The following GALNT18 variants were observed in gnomAD, a reference collection of about 807,000 sequenced individuals.
The protein encoded by GALNT18 is polypeptide N-acetylgalactosaminyltransferase 18.
In GALNT18, 44 loss-of-function variants were observed where a neutral mutation model predicts 69.5. The ratio of observed to expected loss-of-function variants is 0.63; its 90% CI spans 0.50 to 0.81. The LOEUF (loss-of-function observed/expected upper bound fraction) is 0.81, where lower values mean the gene tolerates loss of function less well. Among genes scored for constraint, GALNT18 ranks in the 40% least tolerant of loss-of-function variants. The probability of loss-of-function intolerance (pLI) is 0.00; values close to 1 mark genes in which losing one functional copy is unlikely to be tolerated. For missense variants in GALNT18, 715 were observed against 810.0 expected (o/e 0.88, Z 1.42); for synonymous variants, 364 against 318.2 (o/e 1.14, Z -1.53).
At chr11:11,453,460 A>C (rs1022438958) in intron 1 of GALNT18, among the ~76,000 whole-genome samples, 1 of 152,014 alleles carries the variant, frequency 6.6e-6, no homozygotes, top group Non-Finnish European at 1.5e-5. Flanking sequence ...CCTCACTTCT[A>C]TGTCTTTACT....
At position 11,377,407 on chromosome 11, in the gene GALNT18, G is replaced by T. The variant is rs1362650292; in HGVS notation, c.780-28C>A. On this transcript the variant is annotated intron_variant, in intron 4 of 10. Coordinates refer to ENST00000227756, the MANE Select transcript of GALNT18 (RefSeq NM_198516.3). This position sits in a 1 kb window ranked among gnomAD's most constrained non-coding sequence, Gnocchi z 4.6. ...GGGCAGAGAGGAGACAGCCAGAGAG[G>T]GTAACCATTTCCAAGGTGGAAAAAT... 1.9e-6 allele frequency: 3 copies of T among 1,607,374 alleles called. No individual in the cohort carries two copies. Among genetic ancestry groups the T allele is most frequent in the South Asian group, 1.1e-5 (1 of 90,862 alleles).
chr11:11,329,504 T>G (rs745573814), intron 8 of GALNT18, among the ~76,000 whole-genome samples: 3 of 152,220 alleles, frequency 2.0e-5, no homozygotes, highest in Non-Finnish European at 4.4e-5. Flanking sequence ...GCCTCCTCTT[T>G]GCCTCTTCCC....
chr11:11,491,365 G>A (rs564068193), intron 1 of GALNT18, among the ~76,000 whole-genome samples: 17 of 152,336 alleles, frequency 1.1e-4, no homozygotes, highest in East Asian at 3.9e-4. Flanking sequence ...TTCTTCCCGG[G>A]TTCAGAGCAC....
intron 9 of GALNT18, among the ~76,000 whole-genome samples, chr11:11,316,186 C>G (rs7105266): frequency 1.3e-5 from 2 of 152,170 alleles, no homozygotes; most frequent in South Asian, 2.1e-4. Flanking sequence ...TGAAACCACA[C>G]GCCACGGAGT....
rs1021164272 is a variant in GALNT18, at chr11:11,338,505, T to C, written c.1278+2314A>G. Among the ~76,000 whole-genome samples, 3 of 152,014 alleles carry C rather than the reference T, an allele frequency of 2.0e-5. No homozygotes were observed. Among genetic ancestry groups the C allele is most frequent in the African/African-American group, 7.3e-5 (3 of 41,358 alleles). ...ATTGAGAGAGAGGAAGATTGAAGGA[T>C]GATGTCATTTTCAAACTCATATGTC... is the stretch of plus-strand genomic sequence containing the variant. On this transcript the variant is annotated intron_variant, in intron 7 of 10. Transcript: ENST00000227756. This position sits in a 1 kb window ranked among gnomAD's most constrained non-coding sequence, Gnocchi z 5.3.
At position 11,538,817 on chromosome 11, in the gene GALNT18, G is replaced by GA. The variant is rs1857842904; in HGVS notation, c.235+82541_235+82542insT. ...CGCTGATCTCCTTACTCCTGCTGCT[G>GA]CCTCCTTTAACTTCATGGCTGTGGT... is the stretch of plus-strand genomic sequence containing the variant. On this transcript the variant is annotated intron_variant, in intron 1 of 10. Transcript: ENST00000227756. This position sits in a 1 kb window ranked among gnomAD's most constrained non-coding sequence, Gnocchi z 5.2. Among the ~76,000 whole-genome samples the GA allele has an allele frequency of 1.3e-5, 2 of 152,138 alleles. No individual in the cohort carries two copies. Among genetic ancestry groups the GA allele is most frequent in the African/African-American group, 4.8e-5 (2 of 41,446 alleles).
At chr11:11,400,117 CTT>C (rs1347059599) in intron 3 of GALNT18, among the ~76,000 whole-genome samples, 4 of 152,180 alleles carry the variant, frequency 2.6e-5, no homozygotes, top group Non-Finnish European at 5.9e-5. Flanking sequence ...GACACTCTCT[CTT>C]GGATCACTCA....
chr11:11,390,848 T>C (rs1854171763), intron 3 of GALNT18, among the ~76,000 whole-genome samples: 1 of 152,196 alleles, frequency 6.6e-6, no homozygotes, highest in Non-Finnish European at 1.5e-5. Context: ...GAGACAGGCC[T>C]CAATTTAATC....
chr11:11,319,978 C>G (rs141058170), intron 9 of GALNT18, among the ~76,000 whole-genome samples: 1 of 152,258 alleles, frequency 6.6e-6, no homozygotes, highest in East Asian at 1.9e-4. Context: ...ATCCTTATAA[C>G]AACTCCACAA....
chr11:11,271,331 G>A (rs1372320308), intron 10 of GALNT18, 41 bp from the exon 11 acceptor site: 2 of 1,590,364 alleles, frequency 1.3e-6, no homozygotes, highest in Non-Finnish European at 1.7e-6. Flanking sequence ...GGGCATAGAG[G>A]CAACATGCAG....
At chr11:11,359,941 C>T in intron 6 of GALNT18, among the ~76,000 whole-genome samples, 1 of 152,118 alleles carries the variant, frequency 6.6e-6, no homozygotes, top group Non-Finnish European at 1.5e-5. Context: ...CAGCATGGAC[C>T]TCACAGGGAT....
At chr11:11,611,799 C>A (rs897097871) in intron 1 of GALNT18, among the ~76,000 whole-genome samples, 2 of 152,150 alleles carry the variant, frequency 1.3e-5, no homozygotes, top group African/African-American at 4.8e-5. Context: ...GCTTTTTTGA[C>A]AAGGACCAGT....
Position 11,600,831 on chromosome 11 carries a change from CTCTTTT to C in GALNT18, c.235+20522_235+20527del, listed in dbSNP as rs1390561506. On this transcript the variant is annotated intron_variant, in intron 1 of 10. Transcript: ENST00000227756. This position sits in a 1 kb window ranked among gnomAD's most constrained non-coding sequence, Gnocchi z 4.8. ...AAAGCTCTGCATATTTTTATTCATT[CTCTTTT>C]TCTCTTTTTTTCAGATGTGGTAATC... is the stretch of plus-strand genomic sequence containing the variant. Among the ~76,000 whole-genome samples, 2 of 151,980 alleles carry C rather than the reference CTCTTTT, an allele frequency of 1.3e-5. No individual in the cohort carries two copies. Among genetic ancestry groups the C allele is most frequent in the African/African-American group, 2.4e-5 (1 of 41,488 alleles).
At chr11:11,589,959 G>A (rs1859316928) in intron 1 of GALNT18, among the ~76,000 whole-genome samples, 1 of 152,128 alleles carries the variant, frequency 6.6e-6, no homozygotes, top group South Asian at 2.1e-4. Flanking sequence ...AGTATGAGAG[G>A]CCCTGCAAAG....
chr11:11,621,689 C>T lies in GALNT18; in HGVS notation c.-96G>A. On this transcript the variant is annotated 5_prime_UTR_variant, in exon 1 of 11. Coordinates refer to ENST00000227756, the MANE Select transcript of GALNT18 (RefSeq NM_198516.3). This position sits in a 1 kb window ranked among gnomAD's most constrained non-coding sequence, Gnocchi z 9.3. ...TCGCACCCCGTAGCACGTCCGGAGCCGCTGGGCACCTCAGCACCTGAGTCC... is the reference window on the plus strand; with the variant it reads ...TCGCACCCCGTAGCACGTCCGGAGCTGCTGGGCACCTCAGCACCTGAGTCC... 2 of 880,306 alleles carry T rather than the reference C, an allele frequency of 2.3e-6. No homozygotes were observed. Among genetic ancestry groups the T allele is most frequent in the Non-Finnish European group, 3.5e-6 (2 of 565,590 alleles). The allele number at this position is 880,306 out of a possible 1,614,324, so 54.5% of individuals were successfully genotyped here.
chr11:11,508,945 G>A (rs145867782), intron 1 of GALNT18, among the ~76,000 whole-genome samples: 2 of 152,224 alleles, frequency 1.3e-5, no homozygotes, highest in African/African-American at 4.8e-5. Context: ...TGGCTCCCAA[G>A]AACTACCCGA....
chr11:11,291,633 G>A (rs930027956), intron 10 of GALNT18, among the ~76,000 whole-genome samples: 7 of 151,310 alleles, frequency 4.6e-5, no homozygotes, highest in African/African-American at 1.7e-4. Context: ...TGCAGGGTGA[G>A]CTGGGACTCA....
intron 1 of GALNT18, among the ~76,000 whole-genome samples, chr11:11,483,119 C>T (rs1323512791): frequency 1.4e-4 from 21 of 152,218 alleles, no homozygotes; most frequent in Admixed American, 1.4e-3. Context: ...AGCACCTTCC[C>T]CTTGGTCCAA....
intron 2 of GALNT18, among the ~76,000 whole-genome samples, chr11:11,434,022 GAA>G (rs1855339858): frequency 6.6e-6 from 1 of 151,992 alleles, no homozygotes; most frequent in Non-Finnish European, 1.5e-5. Context: ...TGCAGTTGCA[GAA>G]AAAAGTGTTG....
Sources: gnomAD v4.1 joint callset for allele counts (sites outside exome capture counted in the v4.1 genomes callset) on GRCh38, gnomAD v4.1.1 for gene constraint, Gnocchi (gnomAD v3.1) non-coding constraint, MANE v1.5 for transcripts, NCBI Gene and HGNC (gene_info 2026-07-23, HGNC 2026-07-21) for gene names.